HAVCR1: variants seen among roughly 807,000 people sequenced by gnomAD.
The protein encoded by HAVCR1 is T cell immunoglobin domain and mucin domain protein 1.
A neutral mutation model predicts 32.0 loss-of-function variants in HAVCR1; 34 were observed. That is an observed-to-expected ratio of 1.06 (90% CI 0.81 to 1.42). The LOEUF is 1.42. HAVCR1 is among the 40% of genes most tolerant of loss of function. The probability of loss-of-function intolerance (pLI) is 0.00; values close to 1 mark genes in which losing one functional copy is unlikely to be tolerated. For synonymous variants in HAVCR1, 178 were observed against 170.3 expected (o/e 1.05, Z -0.35); for missense variants, 420 against 442.3 (o/e 0.95, Z 0.45).
chr5:157,069,306 C>A, the HAVCR1 span, among the ~76,000 whole-genome samples: 1 of 152,184 alleles, frequency 6.6e-6, no homozygotes, highest in Non-Finnish European at 1.5e-5. Context: ...AAAGTCCAAG[C>A]AACTATATCC....
chr5:157,032,956 T>G (rs954714658), intron 7 of HAVCR1, 69 bp from the exon 8 acceptor site: 2 of 960,554 alleles, frequency 2.1e-6, no homozygotes, highest in Non-Finnish European at 3.2e-6. Context: ...GTTTTAATCT[T>G]TTTTTCAATC....
upstream of HAVCR1, among the ~76,000 whole-genome samples, chr5:157,062,694 C>G (rs1339992621): frequency 6.6e-6 from 1 of 152,190 alleles, no homozygotes; most frequent in Non-Finnish European, 1.5e-5. Context: ...TCCTGCCCTG[C>G]CCACTGCCCT....
At chr5:157,031,719 C>T (rs1455554189) in intron 8 of HAVCR1, among the ~76,000 whole-genome samples, 1 of 147,918 alleles carries the variant, frequency 6.8e-6, no homozygotes, top group Non-Finnish European at 1.5e-5. Flanking sequence ...ACTCAGCAGG[C>T]TGAGGCTGGA....
intron 7 of HAVCR1, among the ~76,000 whole-genome samples, chr5:157,034,842 G>A (rs1032604507): frequency 2.6e-5 from 4 of 152,082 alleles, no homozygotes; most frequent in African/African-American, 4.8e-5. Flanking sequence ...ATGTTTCTGC[G>A]AGCACAGGGT....
chr5:157,053,951 C>G (rs1015536429), intron 3 of HAVCR1, among the ~76,000 whole-genome samples: 1 of 151,902 alleles, frequency 6.6e-6, no homozygotes, highest in Non-Finnish European at 1.5e-5. Context: ...GAGGCCGAGG[C>G]AAGTGGATCA....
chr5:157,030,229 A>G (rs1437191778), intron 8 of HAVCR1, among the ~76,000 whole-genome samples: 1 of 152,242 alleles, frequency 6.6e-6, no homozygotes, highest in Non-Finnish European at 1.5e-5. Context: ...TGCTTTTCCA[A>G]CTGTAGCTTG....
At chr5:157,043,157 G>A (rs1201155485) in intron 5 of HAVCR1, among the ~76,000 whole-genome samples, 1 of 152,132 alleles carries the variant, frequency 6.6e-6, no homozygotes, top group East Asian at 1.9e-4. Context: ...AAAATATGCT[G>A]TAATATCAAA....
At chr5:157,067,280 G>T in the HAVCR1 span, among the ~76,000 whole-genome samples, 1 of 152,176 alleles carries the variant, frequency 6.6e-6, no homozygotes, top group Non-Finnish European at 1.5e-5. Context: ...GGCATTTAAT[G>T]GCTTGCCAGT....
chr5:157,030,341 T>A (rs73813940), intron 8 of HAVCR1, among the ~76,000 whole-genome samples: 3,162 of 152,312 alleles, frequency 0.021, 93 homozygotes, highest in African/African-American at 0.072. Flanking sequence ...AATAGTACTG[T>A]TTCACAAGTA....
chr5:157,050,459 C>T (rs1012682745), intron 4 of HAVCR1, among the ~76,000 whole-genome samples: 5 of 152,164 alleles, frequency 3.3e-5, no homozygotes, highest in Admixed American at 1.3e-4. Flanking sequence ...ATAAATGTCC[C>T]TGCGTTCTAT....
rs76324692 is a variant in HAVCR1, at chr5:157,050,980, T to G, written c.673+1381A>C. Among the ~76,000 whole-genome samples, 4 of 152,158 alleles carry G rather than the reference T, an allele frequency of 2.6e-5. No individual in the cohort carries two copies. In the East Asian group the frequency reaches 7.7e-4, roughly 29 times the overall value. The stretch of plus-strand genomic sequence containing the variant: ...CTGCGACATTTGTTACTCCTCAGAA[T>G]CCAGAGCCACCCTAAGGGGTCAATG... On this transcript the variant is annotated intron_variant, in intron 4 of 8. Transcript: ENST00000523175.
At chr5:157,038,068 T>C (rs1754647352) in intron 6 of HAVCR1, among the ~76,000 whole-genome samples, 1 of 152,204 alleles carries the variant, frequency 6.6e-6, no homozygotes. Context: ...GATGTTATCT[T>C]AATGTGCTCA....
intron 5 of HAVCR1, among the ~76,000 whole-genome samples, chr5:157,044,426 A>G (rs868374134): frequency 0.03 from 572 of 19,032 alleles, 21 homozygotes; most frequent in East Asian, 0.049. Context: ...GGAAGGAGAA[A>G]GAAAGAAAGA....
intron 6 of HAVCR1, 48 bp downstream of exon 6, chr5:157,042,579 A>T: frequency 9.0e-7 from 1 of 1,112,026 alleles, no homozygotes; most frequent in Non-Finnish European, 1.4e-6. Context: ...GCTTCCAAGG[A>T]GATATACAAG....
intron 2 of HAVCR1, among the ~76,000 whole-genome samples, chr5:157,057,097 A>T (rs1756201381): frequency 6.6e-6 from 1 of 151,998 alleles, no homozygotes; most frequent in Admixed American, 6.6e-5. Flanking sequence ...CAGGTGGATC[A>T]CAAGGTCAGG....
At chr5:157,040,628 G>A (rs1754832382) in intron 6 of HAVCR1, among the ~76,000 whole-genome samples, 1 of 152,184 alleles carries the variant, frequency 6.6e-6, no homozygotes. Context: ...GCCAGCTGCG[G>A]TGGCTCATGC....
At chr5:157,050,617 C>A (rs1755682773) in intron 4 of HAVCR1, among the ~76,000 whole-genome samples, 1 of 152,122 alleles carries the variant, frequency 6.6e-6, no homozygotes, top group Non-Finnish European at 1.5e-5. Flanking sequence ...GCAACTTTCT[C>A]CCATATCTCG....
At chr5:157,041,369 G>A (rs550399976) in intron 6 of HAVCR1, among the ~76,000 whole-genome samples, 10 of 152,182 alleles carry the variant, frequency 6.6e-5, no homozygotes, top group African/African-American at 2.2e-4. Flanking sequence ...ATGGTGGTAT[G>A]CACCTGTAAT....
rs965760448 is a variant in HAVCR1, at chr5:157,047,548, G to A, written c.781+1490C>T. ...CTGGGTGATGACAGAGCAAGACTCC[G>A]TCTCAAAAAAAAAAAAAGTACAAGA... On this transcript the variant is annotated intron_variant, in intron 5 of 8. Transcript: ENST00000523175. 2.1e-4 allele frequency among the ~76,000 whole-genome samples: 27 copies of A among 128,692 alleles called. No homozygotes were observed. The East Asian group carries it at 3.6e-3, about 17-fold the overall frequency. The allele number at this position is 128,692 out of a possible 152,430, so 84.4% of individuals were successfully genotyped here.
Sources: allele counts gnomAD v4.1 joint callset (sites outside exome capture counted in the v4.1 genomes callset), GRCh38; gene constraint gnomAD v4.1.1; transcripts MANE v1.5; gene names NCBI Gene and HGNC (gene_info 2026-07-23, HGNC 2026-07-21).